LRCH4: variants seen among roughly 807,000 people sequenced by gnomAD.
LRCH4 encodes leucine rich repeats and calponin homology domain containing 4.
In LRCH4, 56 loss-of-function variants were observed where a neutral mutation model predicts 81.2. The observed-to-expected ratio is 0.69, with a 90% confidence interval of 0.56 to 0.86. The LOEUF (loss-of-function observed/expected upper bound fraction) is 0.86, where lower values mean the gene tolerates loss of function less well. Ranked by LOEUF, LRCH4 falls within the 40% of genes least tolerant of loss-of-function variation. The pLI is 0.00. For missense variants in LRCH4, 895 were observed against 922.8 expected (o/e 0.97, Z 0.39); for synonymous variants, 442 against 409.7 (o/e 1.08, Z -0.95).
chr7:100,581,880 G>C lies in LRCH4; in HGVS notation c.495C>G (p.Asp165Glu). 1 of 1,614,020 alleles carries C rather than the reference G, an allele frequency of 6.2e-7. No individual in the cohort carries two copies. The highest frequency in any genetic ancestry group is 8.5e-7 in the Non-Finnish European group (1 of 1,179,920). ...GGGATTGGAGCTCGTTGCTGCTCACGTCCTGGTATCAGGAAGGCAGTGGGA... is the reference window on the plus strand; with the variant it reads ...GGGATTGGAGCTCGTTGCTGCTCACCTCCTGGTATCAGGAAGGCAGTGGGA... Reference protein sequence around the residue: ...IGTLGSLRQLDVSSNELQSLP... With the variant: ...IGTLGSLRQLEVSSNELQSLP... The change falls in exon 4 of 18, where the codon GAC (aspartate) becomes GAG (glutamate). Residue 165 changes from aspartate (D) to glutamate (E), a missense_variant and splice_region_variant. This residue lies in a region of LRCH4 where 360 missense variants were observed against 397.0 expected (regional missense o/e 0.91). Coordinates refer to ENST00000310300, the MANE Select transcript of LRCH4 (RefSeq NM_002319.5).
At position 100,578,536 on chromosome 7, in the gene LRCH4, G is replaced by C; in HGVS notation, c.736-25C>G. 6.2e-7 allele frequency: 1 copy of C among 1,606,870 alleles called. No individual in the cohort carries two copies. The highest frequency in any genetic ancestry group is 8.5e-7 in the Non-Finnish European group (1 of 1,175,162). ...CCTGTGTGCGGGGCAGCACACGCCA[G>C]GGAGTTGGCAGGGAGGGCAGCTCCC... On this transcript the variant is annotated intron_variant, in intron 5 of 17. Transcript: ENST00000310300. The surrounding 1 kb of genome is among the most constrained non-coding windows in gnomAD (Gnocchi z 5.7).
intron 4 of LRCH4, chr7:100,580,578 C>T (rs1801508106): frequency 6.6e-6 from 1 of 151,850 alleles, no homozygotes; most frequent in Non-Finnish European, 1.5e-5. Context: ...ACATACAACA[C>T]ACACAACACA....
Position 100,578,309 on chromosome 7 carries a change from C to A in LRCH4, c.849-51G>T. 4 of 1,602,190 alleles carry A rather than the reference C, an allele frequency of 2.5e-6. No homozygotes were observed. Among genetic ancestry groups the A allele is most frequent in the South Asian group, 1.1e-5 (1 of 90,836 alleles). ...CAGCCTGATGCTGGACAACAGCCCC[C>A]CATCCTCCTGCCAGAAAGCAGGGGG... On this transcript the variant is annotated intron_variant, in intron 6 of 17. Transcript: ENST00000310300. This position sits in a 1 kb window ranked among gnomAD's most constrained non-coding sequence, Gnocchi z 5.7.
At chr7:100,584,738 C>A (rs1254053230) in intron 1 of LRCH4, 6 of 456,544 alleles carry the variant, frequency 1.3e-5, no homozygotes, top group South Asian at 7.7e-5. Context: ...TGGTTCTCCC[C>A]AGAAGAGGGA....
At position 100,578,948 on chromosome 7, in the gene LRCH4, C is replaced by CT; in HGVS notation, c.599-163dup. The CT allele has an allele frequency of 2.9e-6, 2 of 678,788 alleles. No individual in the cohort carries two copies. The highest frequency in any genetic ancestry group is 4.9e-6 in the Non-Finnish European group (2 of 404,546). 42.0% of individuals were successfully genotyped at this position (678,788 alleles called of 1,614,324 possible). A position where few individuals can be genotyped will look rare whatever the true frequency, so the allele number is the denominator to read the frequency against. On this transcript the variant is annotated intron_variant, in intron 4 of 17. Coordinates refer to ENST00000310300, the MANE Select transcript of LRCH4 (RefSeq NM_002319.5). This position sits in a 1 kb window ranked among gnomAD's most constrained non-coding sequence, Gnocchi z 5.7. The stretch of plus-strand genomic sequence containing the variant: ...CCCCGGGAGAAACCTCCCTGCTCCT[C>CT]TCTCCACATGATTCTGGTCCACGGT...
At position 100,576,320 on chromosome 7, in the gene LRCH4, G is replaced by A. The variant is rs200696855; in HGVS notation, c.1556C>T (p.Pro519Leu). The A allele has an allele frequency of 3.0e-5, 48 of 1,613,460 alleles. No individual in the cohort carries two copies. The highest frequency in any genetic ancestry group is 1.8e-4 in the East Asian group (8 of 44,864). The change falls in exon 15 of 18, where the codon CCT (proline) becomes CTT (leucine). Residue 519 changes from proline (P) to leucine (L), a missense_variant. This residue lies in a region of LRCH4 where 529 missense variants were observed against 504.9 expected (regional missense o/e 1.05). Coordinates refer to ENST00000310300, the MANE Select transcript of LRCH4 (RefSeq NM_002319.5). ...FRSSSQSGSG[P>L]SSPDSVLRPR... ...TCTCAGGACAGAGTCTGGTGAGGAA[G>A]GGCCTAGGAGAAAAAGGGGGGCATG...
intron 4 of LRCH4, chr7:100,580,263 G>A (rs1180542671): frequency 3.3e-5 from 5 of 152,100 alleles, no homozygotes; most frequent in Non-Finnish European, 7.3e-5. Context: ...CCTCCCTCTA[G>A]CCCCCGTCTG....
chr7:100,581,126 C>T (rs1298722550), intron 4 of LRCH4, among the ~76,000 whole-genome samples: 1 of 152,220 alleles, frequency 6.6e-6, no homozygotes, highest in Non-Finnish European at 1.5e-5. Context: ...GCTGGGTGAC[C>T]TTGAAGGCCC....
Position 100,577,846 on chromosome 7 carries a change from T to TGGGCCCCCG in LRCH4, c.1014_1015insCGGGGGCCC (p.Gly337_Arg339dup). The TGGGCCCCCG allele has an allele frequency of 6.2e-7, 1 of 1,613,150 alleles. No homozygotes were observed. The highest frequency in any genetic ancestry group is 8.5e-7 in the Non-Finnish European group (1 of 1,179,238). On this transcript the variant is annotated inframe_insertion, in exon 8 of 18. Transcript: ENST00000310300. This position sits in a 1 kb window ranked among gnomAD's most constrained non-coding sequence, Gnocchi z 6.7. Reference sequence around the variant, plus strand: ...CCTGAGCCATCCTCCTTGCGTTCTCTGGGTCCCCGGGGCTCCCGGGCCAGC... The same window carrying TGGGCCCCCG: ...CCTGAGCCATCCTCCTTGCGTTCTCTGGGCCCCCGGGGTCCCCGGGGCTCCCGGGCCAGC...
chr7:100,582,490 C>A lies in LRCH4; in HGVS notation c.221-31G>T, dbSNP rs202023508. Reference sequence around the variant, plus strand: ...GAAAAGGAGGTGTCGGGGAGAGTTGCGGAAAGGCCCAGCCCGGACAGGACC... The same window carrying A: ...GAAAAGGAGGTGTCGGGGAGAGTTGAGGAAAGGCCCAGCCCGGACAGGACC... On this transcript the variant is annotated intron_variant, in intron 1 of 17. Coordinates refer to ENST00000310300, the MANE Select transcript of LRCH4 (RefSeq NM_002319.5). This position sits in a 1 kb window ranked among gnomAD's most constrained non-coding sequence, Gnocchi z 5.0. 5.6e-6 allele frequency: 9 copies of A among 1,595,796 alleles called. No individual in the cohort carries two copies. The highest frequency in any genetic ancestry group is 7.6e-6 in the Non-Finnish European group (9 of 1,177,750).
chr7:100,578,043 G>A lies in LRCH4; in HGVS notation c.948+116C>T, dbSNP rs1801427725. ...CCTTCCCTGGGATGCTGGGCAGAGGGAAGGAAGAGGACAGCTCCAGCCTCT... is the reference window on the plus strand; with the variant it reads ...CCTTCCCTGGGATGCTGGGCAGAGGAAAGGAAGAGGACAGCTCCAGCCTCT... On this transcript the variant is annotated intron_variant, in intron 7 of 17. Transcript: ENST00000310300. This position sits in a 1 kb window ranked among gnomAD's most constrained non-coding sequence, Gnocchi z 5.7. 2 of 1,298,440 alleles carry A rather than the reference G, an allele frequency of 1.5e-6. No individual in the cohort carries two copies. Among genetic ancestry groups the A allele is most frequent in the Non-Finnish European group, 2.2e-6 (2 of 910,700 alleles). The allele number at this position is 1,298,440 out of a possible 1,614,324, so 80.4% of individuals were successfully genotyped here. A position where few individuals can be genotyped will look rare whatever the true frequency, so the allele number is the denominator to read the frequency against.
At position 100,577,974 on chromosome 7, in the gene LRCH4, G is replaced by A. The variant is rs2131174037; in HGVS notation, c.949-62C>T. On this transcript the variant is annotated intron_variant, in intron 7 of 17. Transcript: ENST00000310300. This position sits in a 1 kb window ranked among gnomAD's most constrained non-coding sequence, Gnocchi z 6.7. Reference sequence around the variant, plus strand: ...CTGTACATGGGGGCTCAGGACCTGGGGGGTCCTGTGTGGGACTAAGCTCAG... The same window carrying A: ...CTGTACATGGGGGCTCAGGACCTGGAGGGTCCTGTGTGGGACTAAGCTCAG... The A allele has an allele frequency of 7.0e-7, 1 of 1,432,944 alleles. No individual in the cohort carries two copies. Among genetic ancestry groups the A allele is most frequent in the African/African-American group, 1.4e-5 (1 of 70,918 alleles). 88.8% of individuals were successfully genotyped at this position (1,432,944 alleles called of 1,614,324 possible).
intron 4 of LRCH4, chr7:100,581,571 G>C: frequency 5.5e-6 from 3 of 543,826 alleles, no homozygotes; most frequent in South Asian, 4.5e-5. Context: ...GTACCACAAG[G>C]AGCCGGCAGT....
Position 100,575,956 on chromosome 7 carries a change from A to G in LRCH4, c.1691T>C (p.Leu564Pro). The G allele has an allele frequency of 6.2e-7, 1 of 1,609,970 alleles. No individual in the cohort carries two copies. Among genetic ancestry groups the G allele is most frequent in the Non-Finnish European group, 8.5e-7 (1 of 1,178,956 alleles). The change falls in exon 16 of 18, where the codon CTG (leucine) becomes CCG (proline). Residue 564 changes from leucine (L) to proline (P), a missense_variant. Physicochemically the swap from Leu to Pro is moderately conservative, Grantham distance 98. Transcript: ENST00000310300. The surrounding 1 kb of genome is among the most constrained non-coding windows in gnomAD (Gnocchi z 5.3). The stretch of plus-strand genomic sequence containing the variant: ...CTGGCACAGGATGACCCCACTGGCC[A>G]GAGCCTCGGCCAGGTCCTCAGGCAG... ...RPLPEDLAEA[L>P]ASGVILCQLA...
Position 100,576,941 on chromosome 7 carries a change from C to G in LRCH4, c.1429G>C (p.Ala477Pro). Residue 477 changes from alanine (A) to proline (P), a missense_variant, in exon 13 of 18, where the codon GCC becomes CCC. Ala to Pro is a conservative substitution (Grantham distance 27). Around this residue, in one of 3 missense-constraint regions of LRCH4, gnomAD observed 529 missense variants for 504.9 expected, o/e 1.05. Coordinates refer to ENST00000310300, the MANE Select transcript of LRCH4 (RefSeq NM_002319.5). ...GGAAGGGGCTCTTGGGAGGCAGGGG[C>G]AGGGGCGGGGGCTCCCTGCCCCGCT... is the stretch of plus-strand genomic sequence containing the variant. ...AAAGQGAPAPAPASQEPLPIA... is the reference protein window; with the variant it reads ...AAAGQGAPAPPPASQEPLPIA... The G allele has an allele frequency of 1.3e-6, 2 of 1,572,734 alleles. No individual in the cohort carries two copies. Among genetic ancestry groups the G allele is most frequent in the Non-Finnish European group, 1.7e-6 (2 of 1,157,818 alleles).
Position 100,576,976 on chromosome 7 carries a change from G to C in LRCH4, c.1394C>G (p.Ala465Gly). 1 of 1,603,636 alleles carries C rather than the reference G, an allele frequency of 6.2e-7. No individual in the cohort carries two copies. Among genetic ancestry groups the C allele is most frequent in the Non-Finnish European group, 8.5e-7 (1 of 1,172,830 alleles). Residue 465 changes from alanine (A) to glycine (G), a missense_variant, in exon 13 of 18, where the codon GCA (alanine) becomes GGA (glycine). By Grantham distance (60) the Ala-to-Gly change is moderately conservative (BLOSUM62 0). Transcript: ENST00000310300. ...NGSPKSSASQ[A>G]GAAAGQGAPA... ...GGCTCCCTGCCCCGCTGCAGCCCCT[G>C]CTTGGGAGGCACTGGACTTAGGCGA...
chr7:100,578,093 T>G lies in LRCH4; in HGVS notation c.948+66A>C. The G allele has an allele frequency of 6.7e-7, 1 of 1,502,446 alleles. No homozygotes were observed. The highest frequency in any genetic ancestry group is 9.2e-7 in the Non-Finnish European group (1 of 1,081,392). 93.1% of individuals were successfully genotyped at this position (1,502,446 alleles called of 1,614,324 possible). On this transcript the variant is annotated intron_variant, in intron 7 of 17. Coordinates refer to ENST00000310300, the MANE Select transcript of LRCH4 (RefSeq NM_002319.5). The surrounding 1 kb of genome is among the most constrained non-coding windows in gnomAD (Gnocchi z 5.7). ...TGCCTGGCACCCTGCAATTTGGAGG[T>G]CCCCAGTTCAGAGGTGCTCTCCCAG...
Position 100,576,942 on chromosome 7 carries a change from A to AGGGGCG in LRCH4, c.1422_1427dup (p.Pro478_Ala479dup), listed in dbSNP as rs778385911. On this transcript the variant is annotated inframe_insertion, in exon 13 of 18. Coordinates refer to ENST00000310300, the MANE Select transcript of LRCH4 (RefSeq NM_002319.5). ...GAAGGGGCTCTTGGGAGGCAGGGGCAGGGGCGGGGGCTCCCTGCCCCGCTG... is the reference window on the plus strand; with the variant it reads ...GAAGGGGCTCTTGGGAGGCAGGGGCAGGGGCGGGGGCGGGGGCTCCCTGCCCCGCTG... The AGGGGCG allele has an allele frequency of 1.7e-5, 27 of 1,572,722 alleles. No individual in the cohort carries two copies. In the Admixed American group the frequency reaches 4.8e-4, roughly 28 times the overall value.
At chr7:100,584,550 G>C (rs1217619125) in intron 1 of LRCH4, 3 of 378,292 alleles carry the variant, frequency 7.9e-6, no homozygotes, top group East Asian at 7.6e-5. Context: ...AACAACCAAG[G>C]GGGAGGGGAA....
Sources: allele counts gnomAD v4.1 joint callset (sites outside exome capture counted in the v4.1 genomes callset), GRCh38; gene constraint gnomAD v4.1.1; regional missense constraint gnomAD v4.1.1; non-coding constraint Gnocchi (gnomAD v3.1); transcripts MANE v1.5; gene names NCBI Gene and HGNC (gene_info 2026-07-23, HGNC 2026-07-21).